Variants in POLA1 observed in about 807,000 individuals in gnomAD.
POLA1 encodes DNA polymerase alpha 1, catalytic subunit.
Under a neutral mutation model 124.0 loss-of-function variants are expected in POLA1, and 15 were observed. That is an observed-to-expected ratio of 0.12 (90% CI 0.08 to 0.19). The LOEUF is 0.19. Ranked by LOEUF, POLA1 falls within the 10% of genes least tolerant of loss-of-function variation. The probability of loss-of-function intolerance (pLI) is 1.00; values close to 1 mark genes in which losing one functional copy is unlikely to be tolerated. For synonymous variants in POLA1, 408 were observed against 389.4 expected, an observed-to-expected ratio of 1.05 and a Z score of -0.56; for missense variants, 886 against 1,103.4, an observed-to-expected ratio of 0.80 and a Z score of 2.79.
chrX:24,773,595 T>TACC (rs2045081742), intron 26 of POLA1, among the ~76,000 whole-genome samples: 1 of 112,179 alleles, frequency 8.9e-6, no homozygotes, highest in African/African-American at 3.2e-5. Context: ...ACAGAATATT[T>TACC]ACCTCATGAC....
intron 30 of POLA1, 120 bp from the exon 31 acceptor site, chrX:24,821,332 G>A: frequency 2.0e-6 from 1 of 490,541 alleles, no homozygotes; most frequent in Non-Finnish European, 3.2e-6. Context: ...TCTACATACA[G>A]CTTCTGTCAT....
chrX:24,790,042 C>G (rs149010397), intron 26 of POLA1, among the ~76,000 whole-genome samples: 1,334 of 112,258 alleles, frequency 0.012, 11 homozygotes, highest in Non-Finnish European at 0.015. Context: ...TTAATTTAAA[C>G]TTTCTTATGT....
At chrX:24,876,485 C>T (rs984952002) in intron 34 of POLA1, among the ~76,000 whole-genome samples, 2 of 110,801 alleles carry the variant, frequency 1.8e-5, no homozygotes, top group Non-Finnish European at 3.8e-5. Context: ...CATCATTGGG[C>T]CTGGGGTGTC....
intron 34 of POLA1, among the ~76,000 whole-genome samples, chrX:24,884,900 T>G (rs1419589395): frequency 8.9e-6 from 1 of 112,026 alleles, no homozygotes; most frequent in Non-Finnish European, 1.9e-5. Flanking sequence ...AGACAAATTA[T>G]ATTATCTGTT....
chrX:24,749,948 T>C (rs1266618247), intron 26 of POLA1, among the ~76,000 whole-genome samples: 1 of 112,174 alleles, frequency 8.9e-6, no homozygotes. Flanking sequence ...TTTAAGACTA[T>C]TTAGCCTTAA....
At chrX:24,722,273 C>T (rs983517775) in intron 10 of POLA1, among the ~76,000 whole-genome samples, 1 of 111,991 alleles carries the variant, frequency 8.9e-6, no homozygotes, top group African/African-American at 3.2e-5. Flanking sequence ...TGACCATCTC[C>T]TGGGTTGACT....
intron 26 of POLA1, among the ~76,000 whole-genome samples, chrX:24,763,151 G>A (rs1932828582): frequency 8.9e-6 from 1 of 111,967 alleles, no homozygotes; most frequent in African/African-American, 3.2e-5. Context: ...AAACTGATTA[G>A]CAGGCTATTA....
intron 36 of POLA1, among the ~76,000 whole-genome samples, chrX:24,993,774 G>A (rs2048564237): frequency 9.0e-6 from 1 of 111,626 alleles, no homozygotes; most frequent in South Asian, 3.8e-4. Context: ...GGAAGCAAGT[G>A]GGAGCTTTTA....
At chrX:24,696,224 C>G (rs759953539) in intron 1 of POLA1, among the ~76,000 whole-genome samples, 1 of 112,326 alleles carries the variant, frequency 8.9e-6, no homozygotes, top group East Asian at 2.8e-4. Flanking sequence ...CTGCAGGAAC[C>G]AACTCTACCA....
chrX:24,832,781 G>T (rs1429598786), intron 32 of POLA1, among the ~76,000 whole-genome samples: 1 of 111,491 alleles, frequency 9.0e-6, no homozygotes, highest in East Asian at 2.8e-4. Flanking sequence ...ATAGAAAAGG[G>T]TTAAGGTGAT....
intron 36 of POLA1, among the ~76,000 whole-genome samples, chrX:24,974,795 A>G (rs1006337837): frequency 4.5e-5 from 5 of 112,044 alleles, no homozygotes; most frequent in African/African-American, 6.5e-5. Flanking sequence ...CGTTCTGCAC[A>G]TGTATCCCAG....
chrX:24,696,233 C>T (rs1927991695), intron 1 of POLA1, among the ~76,000 whole-genome samples: 2 of 112,269 alleles, frequency 1.8e-5, no homozygotes, highest in African/African-American at 6.5e-5. Context: ...CCAACTCTAC[C>T]AGATTGGTTA....
At chrX:24,830,481 G>A (rs1412020098) in intron 32 of POLA1, among the ~76,000 whole-genome samples, 1 of 112,241 alleles carries the variant, frequency 8.9e-6, no homozygotes, top group Non-Finnish European at 1.9e-5. Context: ...AGTAAAATAT[G>A]TATCATTTTT....
chrX:24,807,407 GC>G (rs1340487023), intron 26 of POLA1, among the ~76,000 whole-genome samples: 1 of 112,138 alleles, frequency 8.9e-6, no homozygotes, highest in Non-Finnish European at 1.9e-5. Context: ...TGATTAATTT[GC>G]CTTGGGTTGG....
intron 30 of POLA1, among the ~76,000 whole-genome samples, chrX:24,817,607 C>CAAAAAAAAAAAAA (rs1171262514): frequency 3.0e-5 from 1 of 33,479 alleles, no homozygotes; most frequent in Non-Finnish European, 6.1e-5. Flanking sequence ...GATTCCATCT[C>CAAAAAAAAAAAAA]AAAAAAAAAA....
intron 34 of POLA1, among the ~76,000 whole-genome samples, chrX:24,887,146 C>T (rs1043606352): frequency 1.6e-4 from 18 of 112,227 alleles, no homozygotes; most frequent in African/African-American, 5.5e-4. Context: ...GAACTTTGAC[C>T]CCATTTGTGA....
At chrX:24,769,894 T>C (rs1374410941) in intron 26 of POLA1, among the ~76,000 whole-genome samples, 4 of 111,997 alleles carry the variant, frequency 3.6e-5, no homozygotes, top group Non-Finnish European at 7.5e-5. Context: ...GGGGCTCTTA[T>C]TTCTTTTTAC....
At chrX:24,738,571 A>G (rs940164741) in intron 19 of POLA1, among the ~76,000 whole-genome samples, 4 of 112,010 alleles carry the variant, frequency 3.6e-5, no homozygotes, top group African/African-American at 1.3e-4. Flanking sequence ...AGACAGTCTC[A>G]TAGGGGTAAC....
chrX:24,983,509 A>G (rs1016707436), intron 36 of POLA1, among the ~76,000 whole-genome samples: 6 of 112,130 alleles, frequency 5.4e-5, no homozygotes, highest in African/African-American at 1.6e-4. Context: ...AGATATGGTC[A>G]TTTGGTGGTA....
Sources: gnomAD v4.1 joint callset for allele counts (sites outside exome capture counted in the v4.1 genomes callset) on GRCh38, gnomAD v4.1.1 for gene constraint, MANE v1.5 for transcripts, NCBI Gene and HGNC (gene_info 2026-07-23, HGNC 2026-07-21) for gene names.